ATF7IP: variants seen among roughly 807,000 people sequenced by gnomAD.
The protein encoded by ATF7IP is activating transcription factor 7 interacting protein, also known as activating transcription factor 7-interacting protein 1.
Under a neutral mutation model 106.4 loss-of-function variants are expected in ATF7IP, and 23 were observed. The ratio of observed to expected loss-of-function variants is 0.22; its 90% CI spans 0.16 to 0.31. The LOEUF (loss-of-function observed/expected upper bound fraction) is 0.31. Among genes scored for constraint, ATF7IP ranks in the 10% least tolerant of loss-of-function variants. The pLI, the probability that ATF7IP is intolerant of heterozygous loss-of-function variation, is 1.00. For synonymous variants in ATF7IP, 542 were observed against 539.0 expected (o/e 1.01, Z -0.08); for missense variants, 1,334 against 1,524.3 (o/e 0.88, Z 2.08).
Position 14,425,157 on chromosome 12 carries a change from T to G in ATF7IP, c.1242T>G (p.Val414=). The G allele has an allele frequency of 6.3e-7, 1 of 1,593,274 alleles. No homozygotes were observed. The highest frequency in any genetic ancestry group is 8.5e-7 in the Non-Finnish European group (1 of 1,173,980). ...TTGTAGAAACGATTAATGAAAATGTTATTGAAGATAACAAAAGTGAGAATA... is the reference window on the plus strand; with the variant it reads ...TTGTAGAAACGATTAATGAAAATGTGATTGAAGATAACAAAAGTGAGAATA... The part of the protein sequence containing the change: ...ADLVETINEN[V]IEDNKSENIL... Residue 414 remains valine (V), a synonymous_variant, in exon 2 of 15, where the codon GTT becomes GTG. Transcript: ENST00000261168.
chr12:14,471,617 T>G (rs1944048985), intron 10 of ATF7IP, among the ~76,000 whole-genome samples: 1 of 152,116 alleles, frequency 6.6e-6, no homozygotes, highest in Non-Finnish European at 1.5e-5. Flanking sequence ...AAACTTATAG[T>G]CATGGCACAA....
intron 7 of ATF7IP, 32 bp downstream of exon 7, chr12:14,456,666 A>C: frequency 6.8e-7 from 1 of 1,464,674 alleles, no homozygotes; most frequent in Non-Finnish European, 9.5e-7. Flanking sequence ...AGTTTTTAAA[A>C]ACAGAACAAA....
intron 6 of ATF7IP, among the ~76,000 whole-genome samples, chr12:14,450,665 T>G (rs1251940336): frequency 6.6e-6 from 1 of 152,220 alleles, no homozygotes; most frequent in Non-Finnish European, 1.5e-5. Flanking sequence ...GATTGCCTAA[T>G]AAATGGAATT....
chr12:14,425,208 G>C lies in ATF7IP; in HGVS notation c.1293G>C (p.Glu431Asp), dbSNP rs1421245457. The change falls in exon 2 of 15, where the codon GAG becomes GAC. Residue 431 changes from glutamate to aspartate, a missense_variant. By Grantham distance (45) the Glu-to-Asp change is conservative. Coordinates refer to ENST00000261168, the MANE Select transcript of ATF7IP (RefSeq NM_018179.5). Reference sequence around the variant, plus strand: ...TCTTAGAAAATACAGACTCTATGGAGACAGATGAAATCATTCCTATTTTGG... The same window carrying C: ...TCTTAGAAAATACAGACTCTATGGACACAGATGAAATCATTCCTATTTTGG... Reference protein sequence around the residue: ...ENILENTDSMETDEIIPILEK... With the variant: ...ENILENTDSMDTDEIIPILEK... 1 of 1,595,666 alleles carries C rather than the reference G, an allele frequency of 6.3e-7. No homozygotes were observed. The highest frequency in any genetic ancestry group is 8.5e-7 in the Non-Finnish European group (1 of 1,174,982).
intron 6 of ATF7IP, among the ~76,000 whole-genome samples, chr12:14,453,316 A>G (rs1943279673): frequency 6.6e-6 from 1 of 152,060 alleles, no homozygotes; most frequent in Non-Finnish European, 1.5e-5. Context: ...CCTTATGTGT[A>G]TATTGGTCTG....
In ATF7IP at chr12:14,466,546, A is replaced by G. The variant is rs376387105; in HGVS notation, c.2818A>G (p.Ile940Val). The change falls in exon 10 of 15, where the codon ATA becomes GTA. Residue 940 changes from isoleucine to valine, a missense_variant. Coordinates refer to ENST00000261168, the MANE Select transcript of ATF7IP (RefSeq NM_018179.5). ...PRIENQTNKT[I>V]DASVSKKAAD... ...TTCAGAAAACCAGACAAACAAAACA[A>G]TAGATGCTTCTGTCAGTAAGAAAGC... is the stretch of plus-strand genomic sequence containing the variant. 3.7e-6 allele frequency: 6 copies of G among 1,603,320 alleles called. No homozygotes were observed. In the African/African-American group the frequency reaches 4.0e-5, roughly 11 times the overall value.
intron 1 of ATF7IP, among the ~76,000 whole-genome samples, chr12:14,378,524 C>T (rs1938859342): frequency 6.6e-6 from 1 of 152,156 alleles, no homozygotes; most frequent in Admixed American, 6.5e-5. Context: ...AAAGATATTA[C>T]TATTTCTATA....
intron 1 of ATF7IP, among the ~76,000 whole-genome samples, chr12:14,414,636 G>C (rs1348104405): frequency 6.6e-6 from 1 of 152,140 alleles, no homozygotes; most frequent in South Asian, 2.1e-4. Context: ...AGGCCTAGAT[G>C]GGGTGAGGGG....
intron 13 of ATF7IP, among the ~76,000 whole-genome samples, chr12:14,488,209 C>T (rs1944690225): frequency 6.6e-6 from 1 of 152,096 alleles, no homozygotes; most frequent in African/African-American, 2.4e-5. Flanking sequence ...CATGCACACA[C>T]ACACGTATCC....
At chr12:14,392,163 A>T (rs1300056913) in intron 1 of ATF7IP, among the ~76,000 whole-genome samples, 3 of 152,226 alleles carry the variant, frequency 2.0e-5, no homozygotes, top group Non-Finnish European at 4.4e-5. Flanking sequence ...AAGTCAAGTG[A>T]AGTGTAGCAC....
At chr12:14,467,801 A>G (rs1292011572) in intron 10 of ATF7IP, among the ~76,000 whole-genome samples, 2 of 150,526 alleles carry the variant, frequency 1.3e-5, no homozygotes, top group Non-Finnish European at 2.9e-5. Context: ...CACTAGTCAC[A>G]TGTAGCTATT....
At chr12:14,382,198 GA>G (rs549104828) in intron 1 of ATF7IP, among the ~76,000 whole-genome samples, 1 of 151,748 alleles carries the variant, frequency 6.6e-6, no homozygotes, top group South Asian at 2.1e-4. Flanking sequence ...ACAAATAAAC[GA>G]AAAAACAAAA....
At position 14,410,461 on chromosome 12, in the gene ATF7IP, G is replaced by A. The variant is rs187542360; in HGVS notation, c.-7-13448G>A. On this transcript the variant is annotated intron_variant, in intron 1 of 14. Coordinates refer to ENST00000261168, the MANE Select transcript of ATF7IP (RefSeq NM_018179.5). ...GATCTGTGCTGGTATCACAATGTTTGTCTTAAAGTCACCCTTATTTTATTT... is the reference window on the plus strand; with the variant it reads ...GATCTGTGCTGGTATCACAATGTTTATCTTAAAGTCACCCTTATTTTATTT... Among the ~76,000 whole-genome samples, 186 of 152,188 alleles carry A rather than the reference G, an allele frequency of 1.2e-3. 2 individuals are homozygous for A. Among genetic ancestry groups the A allele is most frequent in the African/African-American group, 4.3e-3 (178 of 41,548 alleles).
chr12:14,406,491 A>G (rs1029372225), intron 1 of ATF7IP, among the ~76,000 whole-genome samples: 1 of 151,984 alleles, frequency 6.6e-6, no homozygotes, highest in Non-Finnish European at 1.5e-5. Context: ...TTTCCTTGCA[A>G]TGAGGATAAC....
At chr12:14,491,154 C>A (rs1741275863) in intron 13 of ATF7IP, among the ~76,000 whole-genome samples, 1 of 152,204 alleles carries the variant, frequency 6.6e-6, no homozygotes, top group Non-Finnish European at 1.5e-5. Context: ...GGCAGAACAG[C>A]TTGCCCAGTA....
chr12:14,498,198 C>A lies in ATF7IP; in HGVS notation c.*125C>A. ...GATTTCTTGGACAGATGTGTGTATA[C>A]ACTACATTTGTTTATAACCAGAAGC... On this transcript the variant is annotated 3_prime_UTR_variant, in exon 15 of 15. Coordinates refer to ENST00000261168, the MANE Select transcript of ATF7IP (RefSeq NM_018179.5). 1 of 899,862 alleles carries A rather than the reference C, an allele frequency of 1.1e-6. No homozygotes were observed. The highest frequency in any genetic ancestry group is 1.7e-6 in the Non-Finnish European group (1 of 593,224). 55.7% of individuals were successfully genotyped at this position (899,862 alleles called of 1,614,324 possible). A position where few individuals can be genotyped will look rare whatever the true frequency, so the allele number is the denominator to read the frequency against.
At chr12:14,409,966 G>A (rs1405914199) in intron 1 of ATF7IP, among the ~76,000 whole-genome samples, 1 of 152,032 alleles carries the variant, frequency 6.6e-6, no homozygotes, top group Non-Finnish European at 1.5e-5. Context: ...CTGTTTGAGT[G>A]TATAATTCAG....
chr12:14,368,653 A>G (rs16909839), intron 1 of ATF7IP, among the ~76,000 whole-genome samples: 15,886 of 152,132 alleles, frequency 0.1, 1,023 homozygotes, highest in African/African-American at 0.19. Flanking sequence ...CAATACCACC[A>G]TCAATTAGAT....
chr12:14,466,568 A>G lies in ATF7IP; in HGVS notation c.2840A>G (p.Lys947Arg). Residue 947 changes from lysine (K) to arginine (R), a missense_variant, in exon 10 of 15, where the codon AAA (lysine) becomes AGA (arginine). Physicochemically the swap from Lys to Arg is conservative, Grantham distance 26. Coordinates refer to ENST00000261168, the MANE Select transcript of ATF7IP (RefSeq NM_018179.5). ...ACAATAGATGCTTCTGTCAGTAAGA[A>G]AGCAGCTGATAGCACATCACAGGTA... ...NKTIDASVSK[K>R]AADSTSQCGK... 6.2e-7 allele frequency: 1 copy of G among 1,605,956 alleles called. No individual in the cohort carries two copies. The highest frequency in any genetic ancestry group is 8.5e-7 in the Non-Finnish European group (1 of 1,177,426).
Sources: gnomAD v4.1 joint callset for allele counts (sites outside exome capture counted in the v4.1 genomes callset) on GRCh38, gnomAD v4.1.1 for gene constraint, MANE v1.5 for transcripts, NCBI Gene and HGNC (gene_info 2026-07-23, HGNC 2026-07-21) for gene names.